The following TRPM7 variants were observed in gnomAD, a reference collection of about 807,000 sequenced individuals.
TRPM7 encodes the protein LTRPC ion channel family member 7.
TRPM7 carries 134 observed loss-of-function variants against 229.7 expected under a neutral mutation model. That is an observed-to-expected ratio of 0.58 (90% CI 0.51 to 0.67). The LOEUF is 0.67. Ranked by LOEUF, TRPM7 falls within the 30% of genes least tolerant of loss-of-function variation. The pLI is 0.00. For synonymous variants in TRPM7, 699 were observed against 715.2 expected (o/e 0.98, Z 0.36); for missense variants, 1,901 against 2,210.0 (o/e 0.86, Z 2.80).
chr15:50,619,525 G>C (rs796534498), intron 13 of TRPM7, among the ~76,000 whole-genome samples: 9 of 151,934 alleles, frequency 5.9e-5, no homozygotes, highest in African/African-American at 1.9e-4. Context: ...GCCCAGCCTT[G>C]GTCTTAATTC....
At chr15:50,649,763 G>T (rs2061365330) in intron 3 of TRPM7, among the ~76,000 whole-genome samples, 1 of 152,150 alleles carries the variant, frequency 6.6e-6, no homozygotes, top group Non-Finnish European at 1.5e-5. Flanking sequence ...TCATTGATTT[G>T]ATATAATCTT....
At chr15:50,651,245 C>T (rs1288691973) in intron 3 of TRPM7, among the ~76,000 whole-genome samples, 2 of 151,800 alleles carry the variant, frequency 1.3e-5, no homozygotes, top group African/African-American at 4.8e-5. Context: ...AAGCAGAAAA[C>T]TATCAATAAA....
intron 22 of TRPM7, among the ~76,000 whole-genome samples, chr15:50,598,823 T>C (rs2059699425): frequency 6.6e-6 from 1 of 152,184 alleles, no homozygotes; most frequent in Admixed American, 6.5e-5. Flanking sequence ...TAGCTATGAA[T>C]TAACCAACCC....
Position 50,669,732 on chromosome 15 carries a change from T to C in TRPM7, c.4-6686A>G, listed in dbSNP as rs184145159. On this transcript the variant is annotated intron_variant, in intron 1 of 38. Coordinates refer to ENST00000646667, the MANE Select transcript of TRPM7 (RefSeq NM_017672.6). ...TGAGTTTTTTTCCTGCAATTTAGGC[T>C]GACCTTGCTTTCTCCTGTGAACCAA... 2.5e-3 allele frequency among the ~76,000 whole-genome samples: 380 copies of C among 152,206 alleles called. 2 individuals are homozygous for C. The highest frequency in any genetic ancestry group is 4.3e-3 in the Non-Finnish European group (292 of 68,014).
At chr15:50,615,551 T>A (rs1016625725) in intron 13 of TRPM7, among the ~76,000 whole-genome samples, 1 of 152,204 alleles carries the variant, frequency 6.6e-6, no homozygotes, top group Admixed American at 6.5e-5. Context: ...TCAGATAATT[T>A]GTATTTTTTA....
At chr15:50,650,937 C>A (rs2061405563) in intron 3 of TRPM7, among the ~76,000 whole-genome samples, 1 of 152,172 alleles carries the variant, frequency 6.6e-6, no homozygotes, top group Admixed American at 6.6e-5. Flanking sequence ...ACATGTAATC[C>A]TAGTATTTTT....
chr15:50,674,280 T>G (rs562090460), intron 1 of TRPM7, among the ~76,000 whole-genome samples: 1 of 152,146 alleles, frequency 6.6e-6, no homozygotes, highest in South Asian at 2.1e-4. Context: ...TGAGCCACCA[T>G]GCCCAGAAGC....
chr15:50,576,414 A>C (rs2054138826), intron 31 of TRPM7, among the ~76,000 whole-genome samples: 1 of 152,210 alleles, frequency 6.6e-6, no homozygotes, highest in South Asian at 2.1e-4. Flanking sequence ...CTATGTGCTA[A>C]GTTTCTAGAA....
intron 2 of TRPM7, among the ~76,000 whole-genome samples, chr15:50,661,691 T>C (rs759074269): frequency 6.6e-6 from 1 of 152,206 alleles, no homozygotes; most frequent in East Asian, 1.9e-4. Flanking sequence ...TTTAGCTATG[T>C]TTTTCTAAGA....
intron 5 of TRPM7, among the ~76,000 whole-genome samples, chr15:50,640,332 T>C (rs866616407): frequency 1.3e-5 from 2 of 151,990 alleles, no homozygotes; most frequent in South Asian, 2.1e-4. Flanking sequence ...AGTGCAGTGG[T>C]GTGATCATGG....
intron 13 of TRPM7, 67 bp from the exon 14 acceptor site, chr15:50,614,330 G>T: frequency 7.3e-7 from 1 of 1,378,020 alleles, no homozygotes; most frequent in Non-Finnish European, 9.9e-7. Context: ...GCCCTGCCTA[G>T]GAACAGGCCT....
intron 27 of TRPM7, among the ~76,000 whole-genome samples, chr15:50,587,253 A>G (rs2059367290): frequency 6.6e-6 from 1 of 152,000 alleles, no homozygotes; most frequent in South Asian, 2.1e-4. Context: ...GGTTATCTAT[A>G]TGCTCACTAT....
At chr15:50,594,914 A>C (rs1039895513) in intron 23 of TRPM7, among the ~76,000 whole-genome samples, 8 of 152,272 alleles carry the variant, frequency 5.3e-5, no homozygotes, top group African/African-American at 9.6e-5. Flanking sequence ...TAAAAAACAA[A>C]ATCCTGGCTG....
intron 35 of TRPM7, 56 bp from the exon 36 acceptor site, chr15:50,574,535 G>C: frequency 1.3e-6 from 2 of 1,555,216 alleles, no homozygotes; most frequent in Non-Finnish European, 1.8e-6. Context: ...AATTCTAATT[G>C]ATCTACAAAA....
chr15:50,655,736 G>A (rs1225622216), intron 3 of TRPM7, among the ~76,000 whole-genome samples: 1 of 152,112 alleles, frequency 6.6e-6, no homozygotes, highest in African/African-American at 2.4e-5. Context: ...AACAGCTCAC[G>A]CCTGGAATTC....
chr15:50,577,277 C>T (rs866848763), intron 31 of TRPM7, among the ~76,000 whole-genome samples: 1 of 151,956 alleles, frequency 6.6e-6, no homozygotes, highest in Non-Finnish European at 1.5e-5. Flanking sequence ...AGGCCAGGTG[C>T]GGTGGCTCTC....
chr15:50,617,504 C>CAA (rs57521351), intron 13 of TRPM7, among the ~76,000 whole-genome samples: 1 of 145,552 alleles, frequency 6.9e-6, no homozygotes, highest in Non-Finnish European at 1.5e-5. Context: ...AACTTCATTT[C>CAA]AAAAAAAAAA....
intron 1 of TRPM7, among the ~76,000 whole-genome samples, chr15:50,682,696 G>C (rs72740480): frequency 1.3e-5 from 2 of 152,068 alleles, no homozygotes; most frequent in African/African-American, 2.4e-5. Flanking sequence ...TTTGTATAAA[G>C]TACAAGAGGT....
rs547909286 is a variant in TRPM7 at position 50,574,489 on chromosome 15, A to G, written c.5103-10T>C. 3 of 1,593,126 alleles carry G rather than the reference A, an allele frequency of 1.9e-6. No homozygotes were observed. The highest frequency in any genetic ancestry group is 3.5e-5 in the Admixed American group (2 of 57,136). On this transcript the variant is annotated splice_polypyrimidine_tract_variant and intron_variant, in intron 35 of 38. Transcript: ENST00000646667. ...GAAAACTTCAAGGAACCTTATAAAA[A>G]ATAGTTATAAATATTACTAGCAGTT...
Sources: allele counts gnomAD v4.1 joint callset (sites outside exome capture counted in the v4.1 genomes callset), GRCh38; gene constraint gnomAD v4.1.1; transcripts MANE v1.5; gene names NCBI Gene and HGNC (gene_info 2026-07-23, HGNC 2026-07-21).